DLC1: variants seen among roughly 807,000 people sequenced by gnomAD.
The protein encoded by DLC1 is DLC1 Rho GTPase activating protein.
Under a neutral mutation model 140.3 loss-of-function variants are expected in DLC1, and 54 were observed. The observed-to-expected ratio is 0.38, with a 90% CI of 0.31 to 0.48. The LOEUF is 0.48. Ranked by LOEUF, DLC1 falls within the 20% of genes least tolerant of loss-of-function variation. The probability of loss-of-function intolerance (pLI) is 0.96; values close to 1 mark genes in which losing one functional copy is unlikely to be tolerated. For missense variants in DLC1, 2,536 were observed against 1,907.0 expected, an observed-to-expected ratio of 1.33 and a Z score of -6.14; for synonymous variants, 986 against 728.1, an observed-to-expected ratio of 1.35 and a Z score of -5.70.
chr8:13,499,935 T>C lies in DLC1; in HGVS notation c.137A>G (p.Lys46Arg), dbSNP rs200125076. The change falls in exon 2 of 18, where the codon AAA (lysine) becomes AGA (arginine). Residue 46 changes from lysine to arginine, a missense_variant. Coordinates refer to ENST00000276297, the MANE Select transcript of DLC1 (RefSeq NM_182643.3). ...VADSLQASME[K>R]DATLNVDRKE... ...GCGGTCCACATTTAGAGTTGCATCT[T>C]TTTCCATACTTGCCTGCAAGCTGTC... 147 of 1,614,110 alleles carry C rather than the reference T, an allele frequency of 9.1e-5. No homozygotes were observed. Among genetic ancestry groups the C allele is most frequent in the Admixed American group, 1.7e-4 (10 of 60,020 alleles).
At chr8:13,405,903 C>CCT (rs1837508924) in intron 2 of DLC1, among the ~76,000 whole-genome samples, 1 of 90,574 alleles carries the variant, frequency 1.1e-5, no homozygotes, top group African/African-American at 4.0e-5. Context: ...CTTTCTTTTT[C>CCT]TTTCTTTCTT....
intron 5 of DLC1, among the ~76,000 whole-genome samples, chr8:13,225,753 C>T (rs1488052503): frequency 6.6e-6 from 1 of 151,514 alleles, no homozygotes; most frequent in Non-Finnish European, 1.5e-5. Flanking sequence ...GTAGCTGGGA[C>T]TACAGGCACC....
chr8:13,596,912 C>T (rs113708897), intron 1 of DLC1, among the ~76,000 whole-genome samples: 3 of 151,868 alleles, frequency 2.0e-5, no homozygotes, highest in African/African-American at 4.8e-5. Context: ...TAAATGCCTG[C>T]GGAGTGTGGA....
intron 2 of DLC1, among the ~76,000 whole-genome samples, chr8:13,465,069 G>T (rs1164365034): frequency 6.6e-6 from 1 of 151,990 alleles, no homozygotes; most frequent in African/African-American, 2.4e-5. Flanking sequence ...AGTGTTGTAG[G>T]TTGAATAAGT....
chr8:13,243,822 T>C (rs1829643404), intron 5 of DLC1, among the ~76,000 whole-genome samples: 1 of 152,218 alleles, frequency 6.6e-6, no homozygotes, highest in South Asian at 2.1e-4. Context: ...CCATGTATTC[T>C]TGGACAATCT....
intron 5 of DLC1, among the ~76,000 whole-genome samples, chr8:13,155,040 T>C (rs957432911): frequency 3.9e-5 from 6 of 152,192 alleles, no homozygotes; most frequent in African/African-American, 9.6e-5. Flanking sequence ...TGTCATATCC[T>C]AGGCATTCTC....
chr8:13,328,333 G>C (rs1833451930), intron 4 of DLC1, among the ~76,000 whole-genome samples: 1 of 152,000 alleles, frequency 6.6e-6, no homozygotes, highest in South Asian at 2.1e-4. Flanking sequence ...ATGAATATGG[G>C]GAGAAGTATT....
intron 5 of DLC1, among the ~76,000 whole-genome samples, chr8:13,181,229 A>G (rs1371907693): frequency 1.3e-5 from 2 of 152,012 alleles, no homozygotes; most frequent in East Asian, 3.9e-4. Flanking sequence ...CTCTACTTGG[A>G]AAGCTCTTCC....
At chr8:13,485,712 C>G (rs186968319) in intron 2 of DLC1, among the ~76,000 whole-genome samples, 1 of 152,190 alleles carries the variant, frequency 6.6e-6, no homozygotes, top group East Asian at 1.9e-4. Context: ...TTCACTTATT[C>G]TCTAACAGAA....
At chr8:13,477,279 G>T (rs111792759) in intron 2 of DLC1, among the ~76,000 whole-genome samples, 4 of 152,136 alleles carry the variant, frequency 2.6e-5, no homozygotes, top group African/African-American at 7.2e-5. Context: ...AGAAGACAGC[G>T]TGGAAGATGT....
intron 5 of DLC1, among the ~76,000 whole-genome samples, chr8:13,265,092 G>C (rs1416216544): frequency 6.6e-6 from 1 of 152,172 alleles, no homozygotes; most frequent in African/African-American, 2.4e-5. Flanking sequence ...AATAAAAGTT[G>C]TCAAATGCTA....
chr8:13,410,396 A>G (rs2117293655), intron 2 of DLC1, among the ~76,000 whole-genome samples: 1 of 152,278 alleles, frequency 6.6e-6, no homozygotes, highest in East Asian at 1.9e-4. Flanking sequence ...AGAAACAACA[A>G]CAACAAAACA....
At chr8:13,393,404 G>A (rs1370231629) in intron 4 of DLC1, 149 bp downstream of exon 4, 4 of 870,838 alleles carry the variant, frequency 4.6e-6, no homozygotes, top group African/African-American at 1.7e-5. Flanking sequence ...TTTTTCTAGG[G>A]TTGTACTTAA....
intron 5 of DLC1, among the ~76,000 whole-genome samples, chr8:13,263,525 CAGTT>C (rs1034049824): frequency 2.0e-5 from 3 of 151,540 alleles, no homozygotes; most frequent in Non-Finnish European, 2.9e-5. Flanking sequence ...TTGCTGAATT[CAGTT>C]AGTAATTCAA....
At chr8:13,551,512 C>T (rs1803851048) in intron 1 of DLC1, among the ~76,000 whole-genome samples, 1 of 151,924 alleles carries the variant, frequency 6.6e-6, no homozygotes, top group African/African-American at 2.4e-5. Context: ...TAGCATTTTC[C>T]CCACTTAACA....
At chr8:13,391,079 T>C (rs1586260777) in intron 4 of DLC1, among the ~76,000 whole-genome samples, 2 of 152,202 alleles carry the variant, frequency 1.3e-5, no homozygotes, top group African/African-American at 2.4e-5. Context: ...TAAAAGTCGA[T>C]TGTCTTTGAT....
intron 1 of DLC1, among the ~76,000 whole-genome samples, chr8:13,525,141 T>C (rs951432780): frequency 6.6e-6 from 1 of 152,216 alleles, no homozygotes; most frequent in Non-Finnish European, 1.5e-5. Context: ...TATTTTGAGA[T>C]CCATCCATGT....
chr8:13,157,016 T>C lies in DLC1; in HGVS notation c.1349-41359A>G, dbSNP rs1178170843. Among the ~76,000 whole-genome samples, 4 of 152,136 alleles carry C rather than the reference T, an allele frequency of 2.6e-5. No individual in the cohort carries two copies. In the South Asian group the frequency reaches 8.3e-4, roughly 31 times the overall value. On this transcript the variant is annotated intron_variant, in intron 5 of 17. Transcript: ENST00000276297. The stretch of plus-strand genomic sequence containing the variant: ...ATTCTCAGACAGGAAGTGTAAACAA[T>C]TGTGCTGATGGTGTTCACGCAGAAC...
chr8:13,085,303 A>AGAC lies in DLC1; in HGVS notation c.*507_*508insGTC, dbSNP rs1284277374. On this transcript the variant is annotated 3_prime_UTR_variant, in exon 18 of 18. Coordinates refer to ENST00000276297, the MANE Select transcript of DLC1 (RefSeq NM_182643.3). ...AGGTGTCTCAGTGTGCCAGACACTG[A>AGAC]ATCCACCTTAGACATCTATTGCCAT... is the stretch of plus-strand genomic sequence containing the variant. 1 of 152,844 alleles carries AGAC rather than the reference A, an allele frequency of 6.5e-6. No homozygotes were observed. The highest frequency in any genetic ancestry group is 1.5e-5 in the Non-Finnish European group (1 of 68,202). The allele number at this position is 152,844 out of a possible 1,614,324, so 9.5% of individuals were successfully genotyped here.
Sources: gnomAD v4.1 joint callset for allele counts (sites outside exome capture counted in the v4.1 genomes callset) on GRCh38, gnomAD v4.1.1 for gene constraint, MANE v1.5 for transcripts, NCBI Gene and HGNC (gene_info 2026-07-23, HGNC 2026-07-21) for gene names.